The following ATP13A4 variants were observed in gnomAD, a reference collection of about 807,000 sequenced individuals.
The protein encoded by ATP13A4 is ATPase 13A4.
In ATP13A4, 114 loss-of-function variants were observed where a neutral mutation model predicts 142.5. That is an observed-to-expected ratio of 0.80 (90% confidence interval 0.69 to 0.93). ATP13A4 has a LOEUF of 0.93. ATP13A4 is among the 40% of genes least tolerant of loss of function. The pLI is 0.00. For missense variants in ATP13A4, 1,392 were observed against 1,454.0 expected, an observed-to-expected ratio of 0.96 and a Z score of 0.69; for synonymous variants, 488 against 514.8, an observed-to-expected ratio of 0.95 and a Z score of 0.70.
chr3:193,566,946 T>C (rs1023614889), intron 2 of ATP13A4, among the ~76,000 whole-genome samples: 6 of 152,220 alleles, frequency 3.9e-5, no homozygotes, highest in African/African-American at 1.4e-4. Context: ...CCAAACACTG[T>C]TGTTAACTCA....
chr3:193,402,769 C>T lies in ATP13A4; in HGVS notation c.3474G>A (p.Leu1158=). ...GCGGGGGCCAACTAGGGTCATTTGC[C>T]AAGTCCCTCTGCCATATCCGATACT... is the stretch of plus-strand genomic sequence containing the variant. ...KSQYRIWQRD[L]ANDPSWPPLN... Residue 1158 remains leucine, a synonymous_variant, in exon 30 of 30, where the codon TTG becomes TTA. Transcript: ENST00000342695. The T allele has an allele frequency of 6.2e-7, 1 of 1,614,058 alleles. No individual in the cohort carries two copies. The highest frequency in any genetic ancestry group is 8.5e-7 in the Non-Finnish European group (1 of 1,179,946).
chr3:193,489,914 C>G, intron 6 of ATP13A4, 50 bp from the exon 7 acceptor site: 1 of 1,568,740 alleles, frequency 6.4e-7, no homozygotes, highest in Non-Finnish European at 8.8e-7. Flanking sequence ...TTAGGCTTCA[C>G]TCTGCTCTTC....
At chr3:193,473,920 T>C (rs145017035) in intron 8 of ATP13A4, among the ~76,000 whole-genome samples, 87 of 152,324 alleles carry the variant, frequency 5.7e-4, no homozygotes, top group African/African-American at 1.8e-3. Flanking sequence ...TTGAGACAAC[T>C]GGCAAAACAC....
At chr3:193,485,383 G>A (rs1214794568) in intron 7 of ATP13A4, among the ~76,000 whole-genome samples, 1 of 152,230 alleles carries the variant, frequency 6.6e-6, no homozygotes, top group South Asian at 2.1e-4. Context: ...ATTCCTGGGG[G>A]TTTTTAGGAA....
Position 193,567,226 on chromosome 3 carries a change from G to C in ATP13A4, n.291+14481C>G, listed in dbSNP as rs116366582. The stretch of plus-strand genomic sequence containing the variant: ...ATGCATATTTTTATATAAAAAATGA[G>C]CCTGATATTATCCATGGATGCATAA... On this transcript the variant is annotated intron_variant and non_coding_transcript_variant, in intron 2 of 3. Transcript: ENST00000489140. Among the ~76,000 whole-genome samples the C allele has an allele frequency of 3.8e-3, 579 of 152,114 alleles. 6 individuals carry two copies. The highest frequency in any genetic ancestry group is 0.013 in the African/African-American group (537 of 41,510).
chr3:193,585,058 C>T (rs960110755), intron 1 of ATP13A4, among the ~76,000 whole-genome samples: 6 of 152,164 alleles, frequency 3.9e-5, no homozygotes, highest in African/African-American at 7.2e-5. Flanking sequence ...AGGCTGCATG[C>T]GGCCCAGGAT....
intron 2 of ATP13A4, among the ~76,000 whole-genome samples, chr3:193,514,201 C>T (rs1227021994): frequency 5.3e-5 from 8 of 152,080 alleles, no homozygotes; most frequent in Non-Finnish European, 1.2e-4. Flanking sequence ...AAGCTTAGTA[C>T]CCATTAATTG....
In ATP13A4 at chr3:193,573,301, A is replaced by ATATATGTG. The variant is rs1553862276; in HGVS notation, n.291+8405_291+8406insCACATATA. Reference sequence around the variant, plus strand: ...CATATATATATATACACATATATATATATATACATATATATATATATATAT... The same window carrying ATATATGTG: ...CATATATATATATACACATATATATATATATGTGTATATACATATATATATATATATAT... On this transcript the variant is annotated intron_variant and non_coding_transcript_variant, in intron 2 of 3. Transcript: ENST00000489140. Among the ~76,000 whole-genome samples the ATATATGTG allele has an allele frequency of 6.7e-3, 527 of 78,966 alleles. 5 individuals carry two copies. Among genetic ancestry groups the ATATATGTG allele is most frequent in the East Asian group, 0.019 (59 of 3,062 alleles). 51.8% of individuals were successfully genotyped at this position (78,966 alleles called of 152,430 possible).
At chr3:193,429,972 C>G (rs971071626) in intron 25 of ATP13A4, among the ~76,000 whole-genome samples, 2 of 151,940 alleles carry the variant, frequency 1.3e-5, no homozygotes, top group African/African-American at 4.8e-5. Flanking sequence ...TTCCATCTTC[C>G]ACAGTGAATA....
intron 18 of ATP13A4, among the ~76,000 whole-genome samples, chr3:193,445,295 G>A (rs1716881869): frequency 6.6e-6 from 1 of 151,764 alleles, no homozygotes. Context: ...AATTAGCCAG[G>A]CGTTGTGTTG....
chr3:193,569,851 T>C (rs1409182546), intron 2 of ATP13A4, among the ~76,000 whole-genome samples: 1 of 152,064 alleles, frequency 6.6e-6, no homozygotes, highest in Non-Finnish European at 1.5e-5. Flanking sequence ...GGTTACTTAA[T>C]TGTGATAAAT....
At chr3:193,478,602 C>A (rs1719107605) in intron 8 of ATP13A4, among the ~76,000 whole-genome samples, 1 of 151,640 alleles carries the variant, frequency 6.6e-6, no homozygotes, top group South Asian at 2.1e-4. Flanking sequence ...CAATAACAAG[C>A]AGCAAGATTA....
chr3:193,573,950 T>A (rs1724342420), intron 2 of ATP13A4, among the ~76,000 whole-genome samples: 1 of 152,144 alleles, frequency 6.6e-6, no homozygotes, highest in Admixed American at 6.5e-5. Context: ...TTACCCTGAA[T>A]GCACATAGAA....
At position 193,433,904 on chromosome 3, in the gene ATP13A4, AG is replaced by A; in HGVS notation, c.2782del (p.Leu928PhefsTer19). The A allele has an allele frequency of 6.2e-7, 1 of 1,613,632 alleles. No individual in the cohort carries two copies. Among genetic ancestry groups the A allele is most frequent in the South Asian group, 1.1e-5 (1 of 91,070 alleles). On this transcript the variant is annotated frameshift_variant, in exon 25 of 30. Transcript: ENST00000342695. LOFTEE classifies it high-confidence loss of function. ...CTGGAACAGAAACTGGTAATTTGAAAGGCTGTTTGTCTCCTGAAAATAAAAA... is the reference window on the plus strand; with the variant it reads ...CTGGAACAGAAACTGGTAATTTGAAAGCTGTTTGTCTCCTGAAAATAAAAA... ...VLLLYWETNSLSNYQFLFQDL... is the reference protein window; with the variant it reads ...VLLLYWETNSXSNYQFLFQDL...
rs1401042547 is a variant in ATP13A4, at chr3:193,569,820, C to A, written n.291+11887G>T. Reference sequence around the variant, plus strand: ...AAAGTGCTGGGATTACAGGTATGAACCACTTCACCCAGCCAGTACTGGTTA... The same window carrying A: ...AAAGTGCTGGGATTACAGGTATGAAACACTTCACCCAGCCAGTACTGGTTA... On this transcript the variant is annotated intron_variant and non_coding_transcript_variant, in intron 2 of 3. Coordinates refer to the ATP13A4 transcript ENST00000489140. Among the ~76,000 whole-genome samples the A allele has an allele frequency of 2.0e-5, 3 of 151,528 alleles. No homozygotes were observed. In the East Asian group the frequency reaches 5.8e-4, roughly 29 times the overall value.
At chr3:193,414,443 GA>G (rs759934419) in intron 26 of ATP13A4, 135 bp downstream of exon 26, 5 of 855,582 alleles carry the variant, frequency 5.8e-6, no homozygotes, top group Non-Finnish European at 9.6e-6. Flanking sequence ...AATAATCACT[GA>G]AAATTTGCCC....
At position 193,400,280 on chromosome 3, in the gene ATP13A4, G is replaced by T. The variant is rs1178485678; in HGVS notation, c.*2372C>A. 6.6e-6 allele frequency among the ~76,000 whole-genome samples: 1 copy of T among 152,198 alleles called. No homozygotes were observed. The highest frequency in any genetic ancestry group is 1.5e-5 in the Non-Finnish European group (1 of 68,036). ...TTCAAAATGAGTCTCTTTTCCCAAA[G>T]ATTTTATGGCTGCTTGACTAGTGGA... On this transcript the variant is annotated 3_prime_UTR_variant, in exon 30 of 30. Transcript: ENST00000342695.
At chr3:193,513,028 T>C (rs1721222903) in intron 2 of ATP13A4, among the ~76,000 whole-genome samples, 2 of 152,248 alleles carry the variant, frequency 1.3e-5, no homozygotes, top group Non-Finnish European at 2.9e-5. Context: ...TTAAAGCTTA[T>C]TCTCCAAGAG....
At chr3:193,508,135 G>T (rs1720953862) in intron 2 of ATP13A4, among the ~76,000 whole-genome samples, 1 of 152,172 alleles carries the variant, frequency 6.6e-6, no homozygotes, top group Non-Finnish European at 1.5e-5. Context: ...CCTTCTTCAA[G>T]CCAGGAAGAG....
Sources: gnomAD v4.1 joint callset for allele counts (sites outside exome capture counted in the v4.1 genomes callset) on GRCh38, gnomAD v4.1.1 for gene constraint, MANE v1.5 for transcripts, NCBI Gene and HGNC (gene_info 2026-07-23, HGNC 2026-07-21) for gene names.